The following DOCK2 variants were observed in gnomAD, a reference collection of about 807,000 sequenced individuals.
DOCK2 encodes the protein dedicator of cytokinesis 2.
DOCK2 carries 87 observed loss-of-function variants against 248.9 expected under a neutral mutation model. The ratio of observed to expected loss-of-function variants is 0.35; its 90% CI spans 0.29 to 0.42. DOCK2 has a LOEUF of 0.42. Ranked by LOEUF, DOCK2 falls within the 10% of genes least tolerant of loss-of-function variation. The pLI is 1.00. For synonymous variants in DOCK2, 805 were observed against 821.6 expected (o/e 0.98, Z 0.35); for missense variants, 1,747 against 2,300.2 (o/e 0.76, Z 4.92).
chr5:169,832,483 C>G (rs1769291864), intron 26 of DOCK2, among the ~76,000 whole-genome samples: 2 of 152,178 alleles, frequency 1.3e-5, no homozygotes, highest in African/African-American at 4.8e-5. Flanking sequence ...TACCCTGCCT[C>G]CCCTTCGCTG....
intron 27 of DOCK2, among the ~76,000 whole-genome samples, chr5:169,852,288 T>A (rs1224605738): frequency 6.6e-6 from 1 of 152,226 alleles, no homozygotes; most frequent in Admixed American, 6.5e-5. Context: ...AAGACTCCAC[T>A]GTATCTCTTG....
chr5:169,826,390 A>G (rs1200214309), intron 26 of DOCK2, among the ~76,000 whole-genome samples: 3 of 152,152 alleles, frequency 2.0e-5, no homozygotes, highest in Admixed American at 6.5e-5. Flanking sequence ...AGAGAAAAAC[A>G]TGCTCTCATC....
chr5:169,787,706 CTTT>C (rs71575577), intron 25 of DOCK2, among the ~76,000 whole-genome samples: 19,964 of 136,466 alleles, frequency 0.15, 1,483 homozygotes, highest in Non-Finnish European at 0.19. Flanking sequence ...TCCACTTTTG[CTTT>C]TTTTTTTTTT....
intron 2 of DOCK2, among the ~76,000 whole-genome samples, chr5:169,666,683 A>G (rs919475042): frequency 6.6e-6 from 1 of 152,228 alleles, no homozygotes; most frequent in African/African-American, 2.4e-5. Flanking sequence ...GCCAGAAAAA[A>G]GTCATAAGGA....
At chr5:169,876,049 C>T (rs1472868576) in intron 27 of DOCK2, among the ~76,000 whole-genome samples, 3 of 152,178 alleles carry the variant, frequency 2.0e-5, no homozygotes, top group Admixed American at 2.0e-4. Context: ...GAAAACATCC[C>T]TTGCCTTCTC....
intron 45 of DOCK2, among the ~76,000 whole-genome samples, chr5:170,068,879 T>G (rs987064086): frequency 1.4e-4 from 21 of 152,192 alleles, no homozygotes; most frequent in African/African-American, 4.6e-4. Flanking sequence ...CAAAGTACTG[T>G]TGCTGCTACT....
chr5:169,799,604 A>AT (rs1034989585), intron 25 of DOCK2, among the ~76,000 whole-genome samples: 2 of 152,116 alleles, frequency 1.3e-5, no homozygotes, highest in African/African-American at 4.8e-5. Context: ...ATTGTAAGAC[A>AT]TTTTTTTACC....
chr5:169,962,654 G>A (rs779542907), intron 27 of DOCK2, among the ~76,000 whole-genome samples: 7 of 152,120 alleles, frequency 4.6e-5, no homozygotes, highest in Admixed American at 1.3e-4. Flanking sequence ...CTCTAGGAAC[G>A]TATTGTCTGT....
At chr5:169,649,048 C>T (rs1333243553) in intron 1 of DOCK2, among the ~76,000 whole-genome samples, 1 of 152,242 alleles carries the variant, frequency 6.6e-6, no homozygotes, top group African/African-American at 2.4e-5. Context: ...CCAGAGACTT[C>T]AGGCACACTG....
intron 44 of DOCK2, among the ~76,000 whole-genome samples, chr5:170,063,077 C>A (rs77654766): frequency 0.031 from 4,707 of 152,182 alleles, 263 homozygotes; most frequent in African/African-American, 0.11. Flanking sequence ...ATATTCTAAA[C>A]ACCTTAGCTC....
intron 6 of DOCK2, 125 bp from the exon 7 acceptor site, chr5:169,681,619 T>C: frequency 8.4e-7 from 1 of 1,193,330 alleles, no homozygotes; most frequent in Middle Eastern, 2.0e-4. Flanking sequence ...AGGCTATCAG[T>C]GTAGAGCTCT....
rs1295658279 is a variant in DOCK2, at chr5:169,676,333, AG to A, written c.470+1889del. ...CAAGGTCTGCACATAGTAGGTTCTC[AG>A]TGAGTGACAACTGAGTGAGTGGGCG... is the stretch of plus-strand genomic sequence containing the variant. On this transcript the variant is annotated intron_variant, in intron 6 of 51. Transcript: ENST00000520908. 2.0e-5 allele frequency among the ~76,000 whole-genome samples: 3 copies of A among 152,190 alleles called. No individual in the cohort carries two copies. The East Asian group carries it at 5.8e-4, about 29-fold the overall frequency.
intron 14 of DOCK2, 128 bp downstream of exon 14, chr5:169,702,555 T>C: frequency 7.2e-7 from 1 of 1,387,452 alleles, no homozygotes; most frequent in Non-Finnish European, 9.8e-7. Context: ...TGTTGAATAA[T>C]GTGTTCAACA....
intron 26 of DOCK2, among the ~76,000 whole-genome samples, chr5:169,833,562 G>A (rs1287899350): frequency 6.6e-6 from 1 of 152,180 alleles, no homozygotes; most frequent in Admixed American, 6.5e-5. Context: ...CAAATAAGGA[G>A]GATCAGCTGA....
chr5:169,702,013 C>A, intron 13 of DOCK2: 2 of 291,340 alleles, frequency 6.9e-6, no homozygotes, highest in Non-Finnish European at 1.3e-5. Flanking sequence ...CAGAAGGTGT[C>A]ACTAGAGGAT....
At chr5:170,063,394 G>T (rs1415625571) in intron 44 of DOCK2, among the ~76,000 whole-genome samples, 1 of 152,154 alleles carries the variant, frequency 6.6e-6, no homozygotes, top group Non-Finnish European at 1.5e-5. Flanking sequence ...TTAAATGGGT[G>T]CACAAACACT....
At position 169,712,276 on chromosome 5, in the gene DOCK2, G is replaced by C. The variant is rs1761634863; in HGVS notation, c.1659+53G>C. The stretch of plus-strand genomic sequence containing the variant: ...CTGAGGGGAGTGCAGGAAGAAAGGG[G>C]GTGATGGCAAAATTGCTTAGTGGTC... On this transcript the variant is annotated intron_variant, in intron 17 of 51. Coordinates refer to ENST00000520908, the MANE Select transcript of DOCK2 (RefSeq NM_004946.3). 3.9e-6 allele frequency: 6 copies of C among 1,554,330 alleles called. No individual in the cohort carries two copies. In the East Asian group the frequency reaches 1.4e-4, roughly 35 times the overall value.
chr5:169,922,685 C>T (rs1045743314), intron 27 of DOCK2, among the ~76,000 whole-genome samples: 1 of 152,208 alleles, frequency 6.6e-6, no homozygotes, highest in Non-Finnish European at 1.5e-5. Flanking sequence ...TATGGTCACA[C>T]AGCTTAATGT....
At chr5:169,867,988 G>C (rs1167836035) in intron 27 of DOCK2, among the ~76,000 whole-genome samples, 2 of 152,212 alleles carry the variant, frequency 1.3e-5, no homozygotes, top group African/African-American at 4.8e-5. Flanking sequence ...TATTCACAAT[G>C]CTCCTAGCTC....
Sources: allele counts gnomAD v4.1 joint callset (sites outside exome capture counted in the v4.1 genomes callset), GRCh38; gene constraint gnomAD v4.1.1; transcripts MANE v1.5; gene names NCBI Gene and HGNC (gene_info 2026-07-23, HGNC 2026-07-21).